The following LRIG2 variants were observed in gnomAD, a reference collection of about 807,000 sequenced individuals.
LRIG2 encodes the protein leucine rich repeats and immunoglobulin like domains 2.
Under a neutral mutation model 107.8 loss-of-function variants are expected in LRIG2, and 93 were observed. The ratio of observed to expected loss-of-function variants is 0.86; its 90% CI spans 0.73 to 1.03. LRIG2 has a LOEUF of 1.03. Ranked by LOEUF, LRIG2 falls within the 50% of genes least tolerant of loss-of-function variation. The probability of loss-of-function intolerance (pLI) is 0.00; values close to 1 mark genes in which losing one functional copy is unlikely to be tolerated. For synonymous variants in LRIG2, 471 were observed against 470.6 expected, an observed-to-expected ratio of 1.00 and a Z score of -0.01; for missense variants, 1,226 against 1,296.0, an observed-to-expected ratio of 0.95 and a Z score of 0.83.
chr1:113,086,285 A>C (rs1216771), intron 1 of LRIG2, among the ~76,000 whole-genome samples: 1 of 152,090 alleles, frequency 6.6e-6, no homozygotes, highest in Non-Finnish European at 1.5e-5. Flanking sequence ...GATTACAGGC[A>C]TGAGCCACTG....
chr1:113,116,954 C>G (rs1198755121), intron 16 of LRIG2, among the ~76,000 whole-genome samples: 2 of 152,168 alleles, frequency 1.3e-5, no homozygotes, highest in Non-Finnish European at 2.9e-5. Flanking sequence ...CCACTGTACT[C>G]TAGCCTGGAC....
intron 1 of LRIG2, among the ~76,000 whole-genome samples, chr1:113,075,221 AAAG>A (rs923083098): frequency 6.6e-6 from 1 of 152,196 alleles, no homozygotes; most frequent in East Asian, 1.9e-4. Context: ...TCAAAAAAAA[AAAG>A]AGTCATCACT....
rs373338829 is a variant in LRIG2, at chr1:113,116,739, T to C, written c.2680+303T>C. Among the ~76,000 whole-genome samples the C allele has an allele frequency of 2.7e-4, 41 of 152,282 alleles. 2 individuals are homozygous for C. The South Asian group carries it at 8.1e-3, about 30-fold the overall frequency. On this transcript the variant is annotated intron_variant, in intron 16 of 17. Coordinates refer to ENST00000361127, the MANE Select transcript of LRIG2 (RefSeq NM_014813.3). ...TTTTCAGGTATCTCTTTCTTACCCTTTTCAGGCGTGGGCATCCTTCAGACC... is the reference window on the plus strand; with the variant it reads ...TTTTCAGGTATCTCTTTCTTACCCTCTTCAGGCGTGGGCATCCTTCAGACC...
At position 113,125,306 on chromosome 1, in the gene LRIG2, C is replaced by T. The variant is rs1655443830; in HGVS notation, c.*1205C>T. ...CCTTCTTCATGCCTAGAGGTTCATA[C>T]TTCTGGTCATTTGCCATCTGTTTAA... On this transcript the variant is annotated 3_prime_UTR_variant, in exon 18 of 18. Transcript: ENST00000361127. The T allele has an allele frequency of 6.6e-6, 1 of 152,214 alleles. No homozygotes were observed. The highest frequency in any genetic ancestry group is 6.5e-5 in the Admixed American group (1 of 15,276). The allele number at this position is 152,214 out of a possible 1,614,324, so 9.4% of individuals were successfully genotyped here.
intron 17 of LRIG2, 66 bp downstream of exon 17, chr1:113,119,589 T>TA: frequency 6.9e-7 from 1 of 1,456,594 alleles, no homozygotes; most frequent in Non-Finnish European, 9.4e-7. Context: ...CCTTCTATCA[T>TA]ATAGGTAGTG....
intron 1 of LRIG2, among the ~76,000 whole-genome samples, chr1:113,087,761 G>T (rs549528412): frequency 3.3e-5 from 5 of 152,166 alleles, no homozygotes; most frequent in African/African-American, 1.2e-4. Flanking sequence ...CTGTGTGCAC[G>T]TGTCATTTGA....
intron 11 of LRIG2, among the ~76,000 whole-genome samples, chr1:113,104,888 C>T (rs1654467402): frequency 6.6e-6 from 1 of 152,154 alleles, no homozygotes; most frequent in Admixed American, 6.5e-5. Flanking sequence ...TGGCTCATGT[C>T]TGTAATCCCA....
intron 15 of LRIG2, among the ~76,000 whole-genome samples, chr1:113,115,495 G>A (rs1654965719): frequency 2.0e-5 from 3 of 151,728 alleles, no homozygotes; most frequent in Admixed American, 2.0e-4. Flanking sequence ...ACAGGCATGA[G>A]CCACTGCGTC....
chr1:113,107,773 T>G lies in LRIG2; in HGVS notation c.1477+16T>G. 1 of 1,604,608 alleles carries G rather than the reference T, an allele frequency of 6.2e-7. No individual in the cohort carries two copies. Among genetic ancestry groups the G allele is most frequent in the Middle Eastern group, 1.7e-4 (1 of 6,046 alleles). On this transcript the variant is annotated intron_variant, in intron 12 of 17. Transcript: ENST00000361127. ...TTTGTCTGTGGTTTGTATTTTTGTT[T>G]TAAAATTTTATATATTACACACTTA...
intron 1 of LRIG2, among the ~76,000 whole-genome samples, chr1:113,089,726 G>C (rs1268887719): frequency 8.6e-6 from 1 of 116,832 alleles, no homozygotes; most frequent in Non-Finnish European, 1.6e-5. Flanking sequence ...TTGTCACCGA[G>C]GCTGGAGTGC....
chr1:113,112,748 C>G lies in LRIG2; in HGVS notation c.2068C>G (p.Leu690Val). 1 of 1,604,076 alleles carries G rather than the reference C, an allele frequency of 6.2e-7. No individual in the cohort carries two copies. Reference protein sequence around the residue: ...TAGGLSANASLTVLETPSFIR... With the variant: ...TAGGLSANASVTVLETPSFIR... ...AGGAGGTCTCTCAGCAAATGCTTCC[C>G]TAACAGTGTTAGGTACGTTTACTGC... Residue 690 changes from leucine (L) to valine (V), a missense_variant, in exon 14 of 18, where the codon CTA becomes GTA. Transcript: ENST00000361127.
chr1:113,111,761 G>C (rs935158074), intron 13 of LRIG2, among the ~76,000 whole-genome samples: 2 of 149,582 alleles, frequency 1.3e-5, no homozygotes, highest in Non-Finnish European at 3.0e-5. Flanking sequence ...ACTTTTGAAG[G>C]CATAAGTTTT....
chr1:113,074,150 G>A (rs1652848198), intron 1 of LRIG2, among the ~76,000 whole-genome samples: 1 of 152,150 alleles, frequency 6.6e-6, no homozygotes, highest in African/African-American at 2.4e-5. Context: ...CTGATTTTGT[G>A]CTGCAGTTTT....
chr1:113,100,460 G>C lies in LRIG2; in HGVS notation c.1285G>C (p.Ala429Pro). ...TGCTATAATGTCTATCCAAGAAAAT[G>C]CTTTTTCTCAGACTCATTTAAAAGA... is the stretch of plus-strand genomic sequence containing the variant. ...NNAIMSIQEN[A>P]FSQTHLKELI... Residue 429 changes from alanine to proline, a missense_variant, in exon 11 of 18, where the codon GCT (alanine) becomes CCT (proline). Coordinates refer to ENST00000361127, the MANE Select transcript of LRIG2 (RefSeq NM_014813.3). 1 of 1,535,188 alleles carries C rather than the reference G, an allele frequency of 6.5e-7. No individual in the cohort carries two copies. Among genetic ancestry groups the C allele is most frequent in the Non-Finnish European group, 9.0e-7 (1 of 1,113,678 alleles).
intron 1 of LRIG2, among the ~76,000 whole-genome samples, chr1:113,083,504 C>G (rs988880765): frequency 7.3e-5 from 11 of 151,684 alleles, no homozygotes; most frequent in African/African-American, 2.7e-4. Context: ...TGCCACCACA[C>G]CCGGCTAATT....
rs1286934721 is a variant in LRIG2 at position 113,123,966 on chromosome 1, A to G, written c.3063A>G (p.Gln1021=). The stretch of plus-strand genomic sequence containing the variant: ...AGCAGCCAGTCCATGAGTCACCACA[A>G]CTTCATCAAAATGAGGGCCTGGCAG... ...FSQQPVHESP[Q]LHQNEGLAGR... The change falls in exon 18 of 18, where the codon CAA becomes CAG. Residue 1021 remains glutamine (Q), a synonymous_variant. Coordinates refer to ENST00000361127, the MANE Select transcript of LRIG2 (RefSeq NM_014813.3). 1.2e-6 allele frequency: 2 copies of G among 1,614,012 alleles called. No individual in the cohort carries two copies. The highest frequency in any genetic ancestry group is 1.7e-6 in the Non-Finnish European group (2 of 1,180,036).
intron 17 of LRIG2, among the ~76,000 whole-genome samples, chr1:113,122,611 A>G (rs1027105185): frequency 6.6e-6 from 1 of 152,216 alleles, no homozygotes; most frequent in African/African-American, 2.4e-5. Context: ...GGATGCCTTC[A>G]TTTTTAATCT....
intron 16 of LRIG2, 141 bp downstream of exon 16, chr1:113,116,577 A>T: frequency 1.4e-6 from 1 of 708,642 alleles, no homozygotes; most frequent in Non-Finnish European, 2.3e-6. Flanking sequence ...GCAAAATAGG[A>T]TGAAAATTGA....
chr1:113,096,466 C>A, intron 8 of LRIG2, 101 bp downstream of exon 8: 2 of 1,278,478 alleles, frequency 1.6e-6, no homozygotes, highest in African/African-American at 1.5e-5. Context: ...ATTCTGTATG[C>A]TAACATTTTG....
Sources: gnomAD v4.1 joint callset for allele counts (sites outside exome capture counted in the v4.1 genomes callset) on GRCh38, gnomAD v4.1.1 for gene constraint, MANE v1.5 for transcripts, NCBI Gene and HGNC (gene_info 2026-07-23, HGNC 2026-07-21) for gene names.